The following GUCY1A2 variants were observed in gnomAD, a reference collection of about 807,000 sequenced individuals.
GUCY1A2 encodes guanylate cyclase 1 soluble subunit alpha 2.
GUCY1A2 carries 27 observed loss-of-function variants against 63.5 expected under a neutral mutation model. That is an observed-to-expected ratio of 0.43 (90% CI 0.31 to 0.59). The LOEUF is 0.59. GUCY1A2 is among the 20% of genes least tolerant of loss of function. GUCY1A2 has a pLI of 0.11. For missense variants in GUCY1A2, 768 were observed against 913.3 expected, an observed-to-expected ratio of 0.84 and a Z score of 2.05; for synonymous variants, 364 against 343.5, an observed-to-expected ratio of 1.06 and a Z score of -0.66.
chr11:106,743,949 G>A (rs1346217552), intron 6 of GUCY1A2, among the ~76,000 whole-genome samples: 1 of 152,098 alleles, frequency 6.6e-6, no homozygotes, highest in Non-Finnish European at 1.5e-5. Flanking sequence ...GCCTTTTCCT[G>A]TAAGTCCCTA....
chr11:106,954,854 C>T (rs1335873167), intron 3 of GUCY1A2, among the ~76,000 whole-genome samples: 1 of 152,038 alleles, frequency 6.6e-6, no homozygotes, highest in African/African-American at 2.4e-5. Flanking sequence ...TTTCCATTTG[C>T]TTGGTAAATT....
chr11:106,693,777 C>T (rs1862668014), intron 7 of GUCY1A2, among the ~76,000 whole-genome samples: 2 of 152,010 alleles, frequency 1.3e-5, no homozygotes, highest in African/African-American at 4.8e-5. Flanking sequence ...AATTTCCACT[C>T]TTGTGGTATG....
At chr11:106,914,817 C>A (rs890104020) in intron 4 of GUCY1A2, among the ~76,000 whole-genome samples, 1 of 151,958 alleles carries the variant, frequency 6.6e-6, no homozygotes, top group African/African-American at 2.4e-5. Context: ...CACAAAGGGA[C>A]TTCTAGTTTC....
At chr11:106,964,116 C>G (rs142632976) in intron 3 of GUCY1A2, among the ~76,000 whole-genome samples, 1 of 151,968 alleles carries the variant, frequency 6.6e-6, no homozygotes. Flanking sequence ...GCCCCTTCAT[C>G]CCTAATACTT....
chr11:106,756,814 G>A (rs1385121834), intron 6 of GUCY1A2, among the ~76,000 whole-genome samples: 3 of 152,016 alleles, frequency 2.0e-5, no homozygotes, highest in Non-Finnish European at 1.5e-5. Context: ...TGAATCTGAC[G>A]ATTATGTTTC....
At chr11:106,827,170 C>T (rs1005212078) in intron 4 of GUCY1A2, 2 of 1,498,342 alleles carry the variant, frequency 1.3e-6, no homozygotes, top group African/African-American at 1.4e-5. Context: ...AAGATTCAAG[C>T]CTTCATGCCA....
intron 4 of GUCY1A2, among the ~76,000 whole-genome samples, chr11:106,817,554 T>A (rs1054424917): frequency 2.0e-5 from 3 of 151,960 alleles, no homozygotes; most frequent in African/African-American, 7.2e-5. Flanking sequence ...ACATCAACAG[T>A]GTGAAGAAAC....
chr11:106,731,755 G>A (rs751821275), intron 6 of GUCY1A2, among the ~76,000 whole-genome samples: 6 of 151,950 alleles, frequency 3.9e-5, no homozygotes, highest in Non-Finnish European at 7.4e-5. Context: ...TCCAATCTGA[G>A]ACCCAAATCA....
intron 5 of GUCY1A2, among the ~76,000 whole-genome samples, chr11:106,790,475 G>A (rs915711415): frequency 3.9e-5 from 6 of 152,192 alleles, no homozygotes; most frequent in South Asian, 2.1e-4. Context: ...CCTACTTATT[G>A]CTCTACCTTA....
chr11:106,818,090 T>A (rs1323627669), intron 4 of GUCY1A2, among the ~76,000 whole-genome samples: 1 of 152,174 alleles, frequency 6.6e-6, no homozygotes, highest in Non-Finnish European at 1.5e-5. Context: ...AACCTAAGTG[T>A]CCATCAACAG....
intron 4 of GUCY1A2, among the ~76,000 whole-genome samples, chr11:106,846,391 G>A (rs146670561): frequency 7.3e-5 from 11 of 151,644 alleles, no homozygotes; most frequent in Admixed American, 6.6e-4. Context: ...TTTTCTGGAA[G>A]CTTAAAACTT....
At chr11:106,953,496 C>T (rs1310577107) in intron 3 of GUCY1A2, among the ~76,000 whole-genome samples, 1 of 152,062 alleles carries the variant, frequency 6.6e-6, no homozygotes, top group Non-Finnish European at 1.5e-5. Context: ...TTTTGTGTGT[C>T]TCTTCCTAAT....
chr11:106,944,432 G>C (rs2119993095), intron 3 of GUCY1A2, among the ~76,000 whole-genome samples: 1 of 152,008 alleles, frequency 6.6e-6, no homozygotes, highest in South Asian at 2.1e-4. Context: ...GAGTGACAGA[G>C]TGAGACCTTG....
intron 5 of GUCY1A2, among the ~76,000 whole-genome samples, chr11:106,803,174 A>T (rs908263723): frequency 6.6e-6 from 1 of 152,210 alleles, no homozygotes; most frequent in Non-Finnish European, 1.5e-5. Context: ...TTAGAATATA[A>T]AAATAGACAT....
intron 4 of GUCY1A2, among the ~76,000 whole-genome samples, chr11:106,892,058 T>G (rs1859982094): frequency 6.6e-6 from 1 of 152,108 alleles, no homozygotes; most frequent in South Asian, 2.1e-4. Flanking sequence ...CTCCTTTAAT[T>G]TCTCTGCAAA....
chr11:106,792,125 C>T (rs780677430), intron 5 of GUCY1A2, among the ~76,000 whole-genome samples: 2 of 152,038 alleles, frequency 1.3e-5, no homozygotes, highest in Non-Finnish European at 2.9e-5. Flanking sequence ...TGGTGGCTCA[C>T]GTCTGTAATC....
intron 6 of GUCY1A2, among the ~76,000 whole-genome samples, chr11:106,764,609 T>G (rs1356887201): frequency 3.9e-5 from 6 of 152,212 alleles, no homozygotes; most frequent in Non-Finnish European, 8.8e-5. Context: ...CACATACATG[T>G]AAATAATTAT....
intron 1 of GUCY1A2, among the ~76,000 whole-genome samples, chr11:106,988,027 T>C (rs1204560791): frequency 6.6e-6 from 1 of 152,196 alleles, no homozygotes; most frequent in Non-Finnish European, 1.5e-5. Flanking sequence ...GCTTTTCACT[T>C]ATACCAGGCC....
intron 6 of GUCY1A2, among the ~76,000 whole-genome samples, chr11:106,742,273 T>C (rs190189265): frequency 4.5e-4 from 69 of 152,300 alleles, no homozygotes; most frequent in Non-Finnish European, 9.1e-4. Flanking sequence ...GCTGCACAGA[T>C]CATCCCATCA....
Sources: allele counts gnomAD v4.1 joint callset (sites outside exome capture counted in the v4.1 genomes callset), GRCh38; gene constraint gnomAD v4.1.1; transcripts MANE v1.5; gene names NCBI Gene and HGNC (gene_info 2026-07-23, HGNC 2026-07-21).